BUD23: variants seen among roughly 807,000 people sequenced by gnomAD.
BUD23 encodes the protein 18S rRNA (guanine-N(7))-methyltransferase.
A neutral mutation model predicts 47.0 loss-of-function variants in BUD23; 34 were observed. The observed-to-expected ratio is 0.72, with a 90% confidence interval of 0.55 to 0.96. The LOEUF is 0.96. Ranked by LOEUF, BUD23 falls within the 40% of genes least tolerant of loss-of-function variation. The pLI, the probability that BUD23 is intolerant of heterozygous loss-of-function variation, is 0.00. For synonymous variants in BUD23, 124 were observed against 132.0 expected (o/e 0.94, Z 0.41); for missense variants, 343 against 361.2 (o/e 0.95, Z 0.41).
intron 10 of BUD23, chr7:73,694,412 T>A: frequency 4.6e-6 from 1 of 216,512 alleles, no homozygotes; most frequent in Non-Finnish European, 9.0e-6. Context: ...TCATCTTGAC[T>A]CTCCTGGGTC....
intron 5 of BUD23, among the ~76,000 whole-genome samples, chr7:73,689,458 G>A (rs1184191570): frequency 2.0e-5 from 3 of 152,064 alleles, no homozygotes; most frequent in African/African-American, 7.2e-5. Flanking sequence ...GGTTTATTAG[G>A]TGCTTTAGGA....
In BUD23 at chr7:73,692,618, T is replaced by C. The variant is rs1554614214; in HGVS notation, c.482T>C (p.Leu161Pro). ...CAGGTCCGGGGATCCCGAGCTGTCC[T>C]GCAGCTGTACCCTGAGAACTCAGAG... ...SVLVRGSRAV[L>P]QLYPENSEQL... Residue 161 changes from leucine to proline, a missense_variant, in exon 7 of 12, where the codon CTG (leucine) becomes CCG (proline). Transcript: ENST00000265758. The C allele has an allele frequency of 6.2e-7, 1 of 1,613,970 alleles. No individual in the cohort carries two copies. The highest frequency in any genetic ancestry group is 1.1e-5 in the South Asian group (1 of 91,064).
chr7:73,692,637 C>T lies in BUD23; in HGVS notation c.501C>T (p.Asn167=). 1.2e-6 allele frequency: 2 copies of T among 1,613,758 alleles called. No homozygotes were observed. The highest frequency in any genetic ancestry group is 1.7e-6 in the Non-Finnish European group (2 of 1,179,716). Residue 167 remains asparagine (N), a synonymous_variant, in exon 7 of 12, where the codon AAC becomes AAT. Coordinates refer to ENST00000265758, the MANE Select transcript of BUD23 (RefSeq NM_017528.5). The stretch of plus-strand genomic sequence containing the variant: ...CTGTCCTGCAGCTGTACCCTGAGAA[C>T]TCAGAGCAGGTGAGTCCCTCGGCTA... ...SRAVLQLYPE[N]SEQLELITTQ...
chr7:73,684,026 G>T, intron 2 of BUD23: 1 of 1,425,830 alleles, frequency 7.0e-7, no homozygotes, highest in Non-Finnish European at 9.2e-7. Flanking sequence ...CTTGCTTTCC[G>T]TGGGTGGTTT....
chr7:73,693,245 C>T, intron 7 of BUD23, 84 bp from the exon 8 acceptor site: 1 of 1,271,246 alleles, frequency 7.9e-7, no homozygotes, highest in African/African-American at 1.5e-5. Context: ...CTGGAGCAGA[C>T]TGGCTTCTGA....
intron 2 of BUD23, among the ~76,000 whole-genome samples, chr7:73,684,217 A>C (rs1214749660): frequency 6.6e-6 from 1 of 152,050 alleles, no homozygotes; most frequent in Non-Finnish European, 1.5e-5. Flanking sequence ...TCTGAATTTC[A>C]TAGAGGGTAG....
intron 10 of BUD23, chr7:73,697,101 G>C (rs1370029557): frequency 1.8e-5 from 5 of 280,154 alleles, no homozygotes; most frequent in Non-Finnish European, 2.7e-5. Context: ...TTCTACGGAT[G>C]GTCACAGGGG....
intron 10 of BUD23, 35 bp from the exon 11 acceptor site, chr7:73,697,570 C>T (rs1554615046): frequency 1.2e-6 from 2 of 1,613,128 alleles, no homozygotes; most frequent in African/African-American, 2.7e-5. Context: ...CATCCATCAG[C>T]TGTCCATCAG....
At position 73,693,783 on chromosome 7, in the gene BUD23, G is replaced by T. The variant is rs1241491388; in HGVS notation, c.642+114G>T. 4 of 1,461,942 alleles carry T rather than the reference G, an allele frequency of 2.7e-6. No individual in the cohort carries two copies. The Admixed American group carries it at 6.7e-5, about 25-fold the overall frequency. 90.6% of individuals were successfully genotyped at this position (1,461,942 alleles called of 1,614,324 possible). Reference sequence around the variant, plus strand: ...GGTGGGGAAGCAGGGCCCAGCCCCAGAGTGCAGACCCTGGAGTGCTCACAT... The same window carrying T: ...GGTGGGGAAGCAGGGCCCAGCCCCATAGTGCAGACCCTGGAGTGCTCACAT... On this transcript the variant is annotated intron_variant, in intron 9 of 11. Coordinates refer to ENST00000265758, the MANE Select transcript of BUD23 (RefSeq NM_017528.5).
At position 73,697,601 on chromosome 7, in the gene BUD23, A is replaced by C; in HGVS notation, c.702-4A>C. The C allele has an allele frequency of 6.2e-7, 1 of 1,613,576 alleles. No individual in the cohort carries two copies. ...ATCAGCTCATAGCTGTGTCTCCGCC[A>C]CAGGTTCCCATTAAGGATGTCGAGG... On this transcript the variant is annotated splice_polypyrimidine_tract_variant and splice_region_variant and intron_variant, in intron 10 of 11. Transcript: ENST00000265758.
intron 6 of BUD23, among the ~76,000 whole-genome samples, chr7:73,691,934 G>C (rs116139084): frequency 6.6e-6 from 1 of 152,308 alleles, no homozygotes; most frequent in African/African-American, 2.4e-5. Context: ...AAGGATCTGA[G>C]TGGTTTTTGC....
At position 73,697,818 on chromosome 7, in the gene BUD23, C is replaced by T; in HGVS notation, c.792-14C>T. The T allele has an allele frequency of 6.2e-7, 1 of 1,613,336 alleles. No homozygotes were observed. The highest frequency in any genetic ancestry group is 8.5e-7 in the Non-Finnish European group (1 of 1,179,836). ...CTTTTTTTTCTGAGACTGTCCTATT[C>T]CTTTTCTGCACAGGGAAGTCAGACC... On this transcript the variant is annotated splice_polypyrimidine_tract_variant and intron_variant, in intron 11 of 11. Coordinates refer to ENST00000265758, the MANE Select transcript of BUD23 (RefSeq NM_017528.5).
chr7:73,694,174 G>A (rs1554614555), intron 10 of BUD23, 124 bp downstream of exon 10: 21 of 1,027,210 alleles, frequency 2.0e-5, no homozygotes, highest in South Asian at 6.7e-5. Flanking sequence ...CCAAGGTGAC[G>A]GTAGAAACAT....
At position 73,687,054 on chromosome 7, in the gene BUD23, G is replaced by A. The variant is rs1554613172; in HGVS notation, c.321G>A (p.Gln107=). The A allele has an allele frequency of 1.2e-6, 2 of 1,614,040 alleles. No individual in the cohort carries two copies. Among genetic ancestry groups the A allele is most frequent in the Non-Finnish European group, 1.7e-6 (2 of 1,180,028 alleles). The change falls in exon 5 of 12, where the codon CAG becomes CAA. Residue 107 remains glutamine (Q), a synonymous_variant. Transcript: ENST00000265758. ...EGDLLLGDMG[Q]GIPFKPGTFD... ...ACCTGCTGCTGGGGGATATGGGCCAGGGCATCCCATTCAAGCCAGGCACAT... is the reference window on the plus strand; with the variant it reads ...ACCTGCTGCTGGGGGATATGGGCCAAGGCATCCCATTCAAGCCAGGCACAT...
intron 10 of BUD23, chr7:73,694,563 A>C: frequency 6.5e-6 from 1 of 152,844 alleles, no homozygotes. Context: ...TTCCCCTCCC[A>C]CCATTCTCTC....
At chr7:73,694,115 T>C (rs1554614543) in intron 10 of BUD23, 65 bp downstream of exon 10, 23 of 1,539,642 alleles carry the variant, frequency 1.5e-5, no homozygotes, top group Non-Finnish European at 1.9e-5. Context: ...AGACATGGAC[T>C]TTCTCTCTGC....
chr7:73,685,567 G>T (rs1249095109), intron 2 of BUD23, among the ~76,000 whole-genome samples: 1 of 152,098 alleles, frequency 6.6e-6, no homozygotes, highest in African/African-American at 2.4e-5. Flanking sequence ...CCTCGCGCCC[G>T]ACTAGTTTGT....
intron 6 of BUD23, 73 bp downstream of exon 6, chr7:73,691,085 A>G (rs138782138): frequency 2.2e-6 from 3 of 1,349,934 alleles, no homozygotes; most frequent in African/African-American, 2.9e-5. Context: ...GAGTGAGGAA[A>G]TTGAGGTGTC....
Position 73,692,733 on chromosome 7 carries a change from A to C in BUD23, c.510+87A>C. ...GGGGAAGCGACAAAGAATCTTATGC[A>C]GATTGGCGGGAAAAGGAGGAAACAT... On this transcript the variant is annotated intron_variant, in intron 7 of 11. Transcript: ENST00000265758. 5 of 1,363,720 alleles carry C rather than the reference A, an allele frequency of 3.7e-6. No homozygotes were observed. In the South Asian group the frequency reaches 6.1e-5, roughly 17 times the overall value. The allele number at this position is 1,363,720 out of a possible 1,614,324, so 84.5% of individuals were successfully genotyped here.
Sources: gnomAD v4.1 joint callset for allele counts (sites outside exome capture counted in the v4.1 genomes callset) on GRCh38, gnomAD v4.1.1 for gene constraint, MANE v1.5 for transcripts, NCBI Gene and HGNC (gene_info 2026-07-23, HGNC 2026-07-21) for gene names.